The following XPNPEP2 variants were observed in gnomAD, a reference collection of about 807,000 sequenced individuals.
XPNPEP2 encodes the protein xaa-Pro aminopeptidase 2.
Under a neutral mutation model 59.8 loss-of-function variants are expected in XPNPEP2, and 64 were observed. The observed-to-expected ratio is 1.07, with a 90% CI of 0.87 to 1.32. XPNPEP2 has a LOEUF of 1.32. XPNPEP2 is among the 40% of genes most tolerant of loss of function. The probability of loss-of-function intolerance (pLI) is 0.00; values close to 1 mark genes in which losing one functional copy is unlikely to be tolerated. For synonymous variants in XPNPEP2, 235 were observed against 210.0 expected (o/e 1.12, Z -1.03); for missense variants, 575 against 546.8 (o/e 1.05, Z -0.51).
At chrX:129,762,917 A>G in intron 19 of XPNPEP2, 147 bp downstream of exon 19, 2 of 531,729 alleles carry the variant, frequency 3.8e-6, no homozygotes, top group Non-Finnish European at 6.3e-6. Context: ...TAGGAATTCC[A>G]TAAGTCAGAC....
rs747077411 is a variant in XPNPEP2 at position 129,746,351 on chromosome X, C to A, written c.403+11C>A. ...AGCTCCATAAGGAAGGTAGAAGGGC[C>A]GCATGGATTTGTTCCCCAAGTCTTG... On this transcript the variant is annotated intron_variant, in intron 5 of 20. Coordinates refer to ENST00000371106, the MANE Select transcript of XPNPEP2 (RefSeq NM_003399.6). 1 of 1,197,635 alleles carries A rather than the reference C, an allele frequency of 8.3e-7. No homozygotes were observed.
chrX:129,766,957 T>C (rs1926761962), intron 19 of XPNPEP2, among the ~76,000 whole-genome samples: 1 of 111,451 alleles, frequency 9.0e-6, no homozygotes, highest in Non-Finnish European at 1.9e-5. Context: ...GTCATGCCTG[T>C]AATCCCAGCA....
chrX:129,741,528 T>C (rs1403928602), intron 1 of XPNPEP2, among the ~76,000 whole-genome samples: 6 of 112,103 alleles, frequency 5.4e-5, no homozygotes, highest in Admixed American at 1.9e-4. Context: ...TGGCACATAA[T>C]AGGGTGTCTT....
At position 129,754,594 on chromosome X, in the gene XPNPEP2, G is replaced by A. The variant is rs960827882; in HGVS notation, c.1217+13G>A. On this transcript the variant is annotated intron_variant, in intron 12 of 20. Transcript: ENST00000371106. ...ACAAGTTCCGAGGGTGAAGAGCCAC[G>A]GCCGTCCTTTTTGGCTGACTGTCTT... 4.6e-5 allele frequency: 54 copies of A among 1,165,263 alleles called. No individual in the cohort carries two copies. Among genetic ancestry groups the A allele is most frequent in the Admixed American group, 1.0e-4 (4 of 39,168 alleles).
chrX:129,745,056 C>T lies in XPNPEP2; in HGVS notation c.235-147C>T, dbSNP rs1926268156. ...AGGCTGGGAGAGTTACAGAGGGCTT[C>T]CTGGAAGAGGCACTTGGTGTGCTTG... On this transcript the variant is annotated intron_variant, in intron 3 of 20. Transcript: ENST00000371106. The T allele has an allele frequency of 1.1e-5, 7 of 612,401 alleles. 1 individual carries two copies. The South Asian group carries it at 1.8e-4, about 16-fold the overall frequency. The allele number at this position is 612,401 out of a possible 1,213,427, so 50.5% of individuals were successfully genotyped here. A position where few individuals can be genotyped will look rare whatever the true frequency, so the allele number is the denominator to read the frequency against.
intron 4 of XPNPEP2, among the ~76,000 whole-genome samples, chrX:129,745,877 C>T (rs946968158): frequency 5.4e-5 from 6 of 111,306 alleles, no homozygotes; most frequent in African/African-American, 1.6e-4. Context: ...TATTCTTGCC[C>T]AGCAGTCCTC....
chrX:129,750,504 G>A lies in XPNPEP2; in HGVS notation c.674G>A (p.Ser225Asn), dbSNP rs1468428032. Residue 225 changes from serine to asparagine, a missense_variant, in exon 8 of 21, where the codon AGC becomes AAC. Ser to Asn is a conservative substitution (Grantham distance 46). Coordinates refer to ENST00000371106, the MANE Select transcript of XPNPEP2 (RefSeq NM_003399.6). ...TWQEKVSGVR[S>N]QMQKHQKVPT... is the part of the protein sequence containing the mutation. Reference sequence around the variant, plus strand: ...CAGGAGAAAGTATCTGGCGTCCGAAGCCAGATGCAGAAGCATCAAAAGGTC... The same window carrying A: ...CAGGAGAAAGTATCTGGCGTCCGAAACCAGATGCAGAAGCATCAAAAGGTC... The A allele has an allele frequency of 8.4e-7, 1 of 1,197,515 alleles. No homozygotes were observed. The highest frequency in any genetic ancestry group is 1.1e-6 in the Non-Finnish European group (1 of 888,528).
chrX:129,747,529 A>G, intron 6 of XPNPEP2, 78 bp from the exon 7 acceptor site: 9 of 1,171,150 alleles, frequency 7.7e-6, no homozygotes, highest in Non-Finnish European at 1.0e-5. Flanking sequence ...GGGAACCAGG[A>G]CTAACTTTGC....
At chrX:129,755,665 G>A (rs1249298160) in intron 13 of XPNPEP2, among the ~76,000 whole-genome samples, 2 of 112,776 alleles carry the variant, frequency 1.8e-5, no homozygotes, top group African/African-American at 3.2e-5. Context: ...TAAAGCTCAC[G>A]AGTTCACATG....
intron 1 of XPNPEP2, 110 bp from the exon 2 acceptor site, chrX:129,741,998 G>A (rs1282474528): frequency 2.1e-5 from 14 of 666,824 alleles, no homozygotes; most frequent in Admixed American, 1.9e-4. Flanking sequence ...GGCCAGCTTC[G>A]TGCGTTTCAA....
chrX:129,744,866 C>T (rs191042301), intron 3 of XPNPEP2, among the ~76,000 whole-genome samples: 387 of 112,169 alleles, frequency 3.5e-3, no homozygotes, highest in Middle Eastern at 9.1e-3. Flanking sequence ...AAAACCCAAA[C>T]GAGCCAAAAG....
At chrX:129,751,535 GAAGAAAGAAAGAAAGA>G (rs1178245774) in intron 8 of XPNPEP2, among the ~76,000 whole-genome samples, 194 bp from the exon 9 acceptor site, 818 of 50,825 alleles carry the variant, frequency 0.016, 21 homozygotes, top group Admixed American at 0.072. Context: ...AGAAAGAAAG[GAAGAAAGAAAGAAAGA>G]AAGAAAGAAA....
chrX:129,749,201 A>G (rs1926351093), intron 7 of XPNPEP2, among the ~76,000 whole-genome samples: 1 of 111,623 alleles, frequency 9.0e-6, no homozygotes, highest in African/African-American at 3.3e-5. Context: ...GCAAATCCAT[A>G]GAGACAGAAA....
At chrX:129,747,914 T>C (rs1569476089) in intron 7 of XPNPEP2, 161 bp downstream of exon 7, 10 of 729,098 alleles carry the variant, frequency 1.4e-5, no homozygotes, top group Non-Finnish European at 1.7e-5. Flanking sequence ...AATGCAGATT[T>C]CAGGGCCCCC....
chrX:129,750,955 G>T (rs957625911), intron 8 of XPNPEP2, among the ~76,000 whole-genome samples: 17 of 111,150 alleles, frequency 1.5e-4, no homozygotes, highest in African/African-American at 5.6e-4. Flanking sequence ...TTCCGACATG[G>T]CTCAGGACTT....
At chrX:129,763,349 C>T (rs1356722005) in intron 19 of XPNPEP2, among the ~76,000 whole-genome samples, 3 of 111,867 alleles carry the variant, frequency 2.7e-5, no homozygotes, top group Non-Finnish European at 3.8e-5. Flanking sequence ...AATAAACATG[C>T]GAAGATAGCT....
chrX:129,742,800 G>A (rs1337003864), intron 2 of XPNPEP2, among the ~76,000 whole-genome samples: 1 of 111,990 alleles, frequency 8.9e-6, no homozygotes. Flanking sequence ...TACTCAGGAG[G>A]CTAAGGCAGA....
At chrX:129,739,290 G>A (rs958085284) in intron 1 of XPNPEP2, 28 bp downstream of exon 1, 26 of 1,200,272 alleles carry the variant, frequency 2.2e-5, no homozygotes, top group Admixed American at 4.4e-5. Context: ...TCCACTGGAA[G>A]GCAGCTCTGA....
chrX:129,759,698 G>A (rs952665728), intron 15 of XPNPEP2, among the ~76,000 whole-genome samples: 4 of 112,944 alleles, frequency 3.5e-5, no homozygotes, highest in Non-Finnish European at 5.6e-5. Flanking sequence ...GCGAGCTGCC[G>A]TCATGCTGCA....
Sources: gnomAD v4.1 joint callset for allele counts (sites outside exome capture counted in the v4.1 genomes callset) on GRCh38, gnomAD v4.1.1 for gene constraint, MANE v1.5 for transcripts, NCBI Gene and HGNC (gene_info 2026-07-23, HGNC 2026-07-21) for gene names.